LRRC53: variants seen among roughly 807,000 people sequenced by gnomAD.
The protein encoded by LRRC53 is leucine rich repeat containing 53, also known as leucine-rich repeat-containing protein 53.
In LRRC53, 25 loss-of-function variants were observed where a neutral mutation model predicts 13.6. That is an observed-to-expected ratio of 1.83 (90% CI 1.34 to 2.56). LRRC53 has a LOEUF of 2.56. Ranked by LOEUF, LRRC53 falls within the 30% of genes most tolerant of loss-of-function variation. The pLI is 0.00. For missense variants in LRRC53, 527 were observed against 275.8 expected, an observed-to-expected ratio of 1.91 and a Z score of -6.45; for synonymous variants, 204 against 109.8, an observed-to-expected ratio of 1.86 and a Z score of -5.37.
At chr1:74,493,200 G>A (rs1669163992) in intron 1 of LRRC53, among the ~76,000 whole-genome samples, 2 of 152,174 alleles carry the variant, frequency 1.3e-5, no homozygotes, top group South Asian at 4.1e-4. Context: ...GCTTCTAGGG[G>A]ATAGGGAGGA....
the LRRC53 span, among the ~76,000 whole-genome samples, chr1:74,524,739 G>A: frequency 6.6e-6 from 1 of 151,430 alleles, no homozygotes; most frequent in South Asian, 2.1e-4. Flanking sequence ...AGAGTGACAG[G>A]CAACTTTTTA....
chr1:74,525,705 G>T, the LRRC53 span, among the ~76,000 whole-genome samples: 1 of 152,112 alleles, frequency 6.6e-6, no homozygotes, highest in Non-Finnish European at 1.5e-5. Context: ...GACCATGGAG[G>T]CCTGGATGTG....
At chr1:74,518,207 G>C in the LRRC53 span, among the ~76,000 whole-genome samples, 2 of 152,054 alleles carry the variant, frequency 1.3e-5, no homozygotes, top group Admixed American at 1.3e-4. Flanking sequence ...GCTGATCAAT[G>C]GAGGAAAAAA....
In LRRC53 at chr1:74,480,818, A is replaced by T. The variant is rs1436642267; in HGVS notation, c.239T>A (p.Leu80His). Residue 80 changes from leucine (L) to histidine (H), a missense_variant, in exon 3 of 5, where the codon CTT (leucine) becomes CAT (histidine). By Grantham distance (99) the Leu-to-His change is moderately conservative. Transcript: ENST00000294635. ...EDVQEDALHG[L>H]TMLRTLLLEH... ...CAGCAACAAGGTCCGCAACATCGTA[A>T]GCCCATGCAGGGCATCTTCCTGAAC... The T allele has an allele frequency of 2.8e-6, 2 of 717,618 alleles. No individual in the cohort carries two copies. The highest frequency in any genetic ancestry group is 2.6e-6 in the Non-Finnish European group (1 of 385,132). 44.5% of individuals were successfully genotyped at this position (717,618 alleles called of 1,614,324 possible). A position where few individuals can be genotyped will look rare whatever the true frequency, so the allele number is the denominator to read the frequency against.
At chr1:74,518,535 G>A in the LRRC53 span, among the ~76,000 whole-genome samples, 4 of 151,976 alleles carry the variant, frequency 2.6e-5, no homozygotes, top group African/African-American at 9.7e-5. Context: ...TGGCTCTATG[G>A]TTCCCACTGC....
chr1:74,528,526 T>G, the LRRC53 span, among the ~76,000 whole-genome samples: 1 of 152,154 alleles, frequency 6.6e-6, no homozygotes, highest in South Asian at 2.1e-4. Context: ...CAATGGGAGA[T>G]TTGTACATTC....
chr1:74,502,402 A>G (rs1669678425), intron 1 of LRRC53, among the ~76,000 whole-genome samples: 1 of 152,216 alleles, frequency 6.6e-6, no homozygotes, highest in Admixed American at 6.5e-5. Flanking sequence ...TATTTTTTAG[A>G]TAAAACAGAA....
chr1:74,507,097 C>T (rs1189187402), intron 1 of LRRC53, among the ~76,000 whole-genome samples: 1 of 152,110 alleles, frequency 6.6e-6, no homozygotes, highest in Non-Finnish European at 1.5e-5. Flanking sequence ...ACATAGTGTG[C>T]TGATCGCAAG....
At chr1:74,483,977 T>G (rs1478149455) in intron 1 of LRRC53, among the ~76,000 whole-genome samples, 2 of 152,156 alleles carry the variant, frequency 1.3e-5, no homozygotes, top group Non-Finnish European at 2.9e-5. Context: ...CTGACTATAT[T>G]ATCTTAGAAA....
intron 1 of LRRC53, among the ~76,000 whole-genome samples, chr1:74,500,439 T>A (rs1669556413): frequency 6.6e-6 from 1 of 151,048 alleles, no homozygotes; most frequent in South Asian, 2.1e-4. Flanking sequence ...CCGTCTCTAC[T>A]AAAAATACAA....
rs1164030905 is a variant in LRRC53 at position 74,480,658 on chromosome 1, C to A, written c.399G>T (p.Leu133=). ...RGSWFRNTSG[L]TRLQLDGNQI... ...GATTCCCATCCAGCTGGAGCCGGGT[C>A]AGGCCGCTTGTGTTTCGGAACCAAG... Residue 133 remains leucine, a synonymous_variant, in exon 3 of 5, where the codon CTG becomes CTT. Coordinates refer to ENST00000294635, the MANE Select transcript of LRRC53 (RefSeq NM_001382280.1). 4.2e-6 allele frequency: 3 copies of A among 717,136 alleles called. No homozygotes were observed. The highest frequency in any genetic ancestry group is 3.0e-5 in the South Asian group (2 of 67,572). The allele number at this position is 717,136 out of a possible 1,614,324, so 44.4% of individuals were successfully genotyped here. A position where few individuals can be genotyped will look rare whatever the true frequency, so the allele number is the denominator to read the frequency against.
intron 1 of LRRC53, among the ~76,000 whole-genome samples, chr1:74,489,635 A>C (rs1404148426): frequency 6.6e-6 from 1 of 152,234 alleles, no homozygotes; most frequent in Non-Finnish European, 1.5e-5. Context: ...ATGCGAAAAG[A>C]AAAATTATCA....
intron 1 of LRRC53, among the ~76,000 whole-genome samples, chr1:74,504,615 T>C (rs1669796298): frequency 6.6e-6 from 1 of 152,148 alleles, no homozygotes; most frequent in Non-Finnish European, 1.5e-5. Flanking sequence ...AGAAGAGCCC[T>C]ACGTGTGTAA....
intron 1 of LRRC53, among the ~76,000 whole-genome samples, chr1:74,502,488 CGG>C (rs1350190356): frequency 5.3e-5 from 8 of 152,146 alleles, no homozygotes; most frequent in African/African-American, 1.9e-4. Flanking sequence ...TGGGCCTGTC[CGG>C]TAGTGTTTTC....
intron 1 of LRRC53, among the ~76,000 whole-genome samples, chr1:74,499,346 A>G (rs1669491829): frequency 6.6e-6 from 1 of 152,154 alleles, no homozygotes; most frequent in Admixed American, 6.5e-5. Context: ...GAGTTTTACT[A>G]TGTTGCCCAG....
chr1:74,485,414 G>A (rs1382593404), intron 1 of LRRC53, among the ~76,000 whole-genome samples: 2 of 152,176 alleles, frequency 1.3e-5, no homozygotes, highest in Non-Finnish European at 2.9e-5. Context: ...GCAAACCAGA[G>A]ATTGAGGTAG....
chr1:74,491,085 ACTGGGATACACATTTTAG>A (rs1669048720), intron 1 of LRRC53, among the ~76,000 whole-genome samples: 1 of 152,196 alleles, frequency 6.6e-6, no homozygotes, highest in South Asian at 2.1e-4. Flanking sequence ...AATAATTAAA[ACTGGGATACACATTTTAG>A]AAGAGAGAGA....
In LRRC53 at chr1:74,471,635, G is replaced by A. The variant is rs1667936644; in HGVS notation, c.1987C>T (p.Arg663Ter). The A allele has an allele frequency of 2.5e-6, 1 of 400,516 alleles. No individual in the cohort carries two copies. The highest frequency in any genetic ancestry group is 4.4e-6 in the Non-Finnish European group (1 of 226,176). The allele number at this position is 400,516 out of a possible 1,614,324, so 24.8% of individuals were successfully genotyped here. A position where few individuals can be genotyped will look rare whatever the true frequency, so the allele number is the denominator to read the frequency against. Residue 663 changes from arginine (R) to a stop codon, truncating the protein, a stop_gained, in exon 5 of 5, where the codon CGA becomes TGA. Coordinates refer to ENST00000294635, the MANE Select transcript of LRRC53 (RefSeq NM_001382280.1). LOFTEE classifies it low-confidence loss of function (END_TRUNC). ...MSPKISTPWK[R>*]QKNQSNQLTK... is the part of the protein sequence containing the mutation. Reference sequence around the variant, plus strand: ...AGTTGGTTACTTTGATTTTTCTGTCGTTTCCAAGGGGTTGATATTTTGGGT... The same window carrying A: ...AGTTGGTTACTTTGATTTTTCTGTCATTTCCAAGGGGTTGATATTTTGGGT...
At position 74,472,005 on chromosome 1, in the gene LRRC53, A is replaced by G. The variant is rs1481612085; in HGVS notation, c.1617T>C (p.Tyr539=). Reference sequence around the variant, plus strand: ...TATTTTTTTGTACGATCTTTTGTACATAGTGTTCCTCAGGCTCACAAGGCT... The same window carrying G: ...TATTTTTTTGTACGATCTTTTGTACGTAGTGTTCCTCAGGCTCACAAGGCT... ...SSKPCEPEEH[Y]VQKIVQKNRS... is the part of the protein sequence containing the mutation. The change falls in exon 5 of 5, where the codon TAT becomes TAC. Residue 539 remains tyrosine, a synonymous_variant. Transcript: ENST00000294635. 4.4e-6 allele frequency: 3 copies of G among 678,924 alleles called. No homozygotes were observed. The highest frequency in any genetic ancestry group is 1.6e-5 in the South Asian group (1 of 60,690). The allele number at this position is 678,924 out of a possible 1,614,324, so 42.1% of individuals were successfully genotyped here.
Sources: allele counts gnomAD v4.1 joint callset (sites outside exome capture counted in the v4.1 genomes callset), GRCh38; gene constraint gnomAD v4.1.1; transcripts MANE v1.5; gene names NCBI Gene and HGNC (gene_info 2026-07-23, HGNC 2026-07-21).